The following MCTP2 variants were observed in gnomAD, a reference collection of about 807,000 sequenced individuals.
The protein encoded by MCTP2 is multiple C2 and transmembrane domain-containing protein 2.
In MCTP2, 132 loss-of-function variants were observed where a neutral mutation model predicts 111.6. The observed-to-expected ratio is 1.18, with a 90% CI of 1.03 to 1.37. The LOEUF is 1.37. MCTP2 is among the 40% of genes most tolerant of loss of function. MCTP2 has a pLI of 0.00. For synonymous variants in MCTP2, 395 were observed against 387.7 expected (o/e 1.02, Z -0.22); for missense variants, 1,183 against 1,067.9 (o/e 1.11, Z -1.50).
At chr15:94,276,126 G>A (rs1021340655) in intron 1 of MCTP2, among the ~76,000 whole-genome samples, 2 of 152,118 alleles carry the variant, frequency 1.3e-5, no homozygotes, top group African/African-American at 4.8e-5. Flanking sequence ...TTACAGGTGT[G>A]AGCCACCGTG....
chr15:94,446,702 A>C (rs1037055883), intron 19 of MCTP2, among the ~76,000 whole-genome samples: 11 of 152,216 alleles, frequency 7.2e-5, no homozygotes, highest in Admixed American at 3.9e-4. Context: ...GCATGTAATA[A>C]AAGAAAAAAA....
intron 17 of MCTP2, among the ~76,000 whole-genome samples, chr15:94,433,870 A>G (rs972864453): frequency 1.3e-5 from 2 of 152,072 alleles, no homozygotes; most frequent in African/African-American, 2.4e-5. Context: ...ATATCTTCCT[A>G]TGTGTTTGTA....
intron 1 of MCTP2, among the ~76,000 whole-genome samples, chr15:94,243,376 C>CGT (rs2071249893): frequency 1.5e-5 from 2 of 134,036 alleles, no homozygotes; most frequent in African/African-American, 5.9e-5. Flanking sequence ...TGCGTATGTA[C>CGT]ATACATACGT....
chr15:94,473,368 GA>G (rs1180039516), intron 21 of MCTP2, among the ~76,000 whole-genome samples: 2 of 152,182 alleles, frequency 1.3e-5, no homozygotes, highest in Non-Finnish European at 1.5e-5. Flanking sequence ...CTATATAGAT[GA>G]CATTTTGTTA....
intron 14 of MCTP2, among the ~76,000 whole-genome samples, chr15:94,387,804 T>G: frequency 6.6e-6 from 1 of 152,230 alleles, no homozygotes; most frequent in East Asian, 1.9e-4. Context: ...AGGGCACTTT[T>G]TTCCAGCTGC....
At chr15:94,243,771 TTA>T (rs1165453824) in intron 1 of MCTP2, among the ~76,000 whole-genome samples, 4 of 146,446 alleles carry the variant, frequency 2.7e-5, no homozygotes, top group Non-Finnish European at 6.0e-5. Context: ...GTGTATATAT[TTA>T]TGAACATATA....
chr15:94,389,389 T>G (rs1172546423), intron 14 of MCTP2, among the ~76,000 whole-genome samples: 1 of 152,020 alleles, frequency 6.6e-6, no homozygotes, highest in Non-Finnish European at 1.5e-5. Context: ...GGTTACTGTT[T>G]TAGCAGGGAG....
At chr15:94,462,011 T>G (rs1199645176) in intron 20 of MCTP2, among the ~76,000 whole-genome samples, 2 of 152,162 alleles carry the variant, frequency 1.3e-5, no homozygotes, top group African/African-American at 2.4e-5. Context: ...GGAAAGCCTT[T>G]AGTAGAAGAC....
At chr15:94,341,905 G>C (rs1432640315) in intron 7 of MCTP2, 1 of 152,100 alleles carries the variant, frequency 6.6e-6, no homozygotes, top group Non-Finnish European at 1.5e-5. Context: ...GAAAATAAAA[G>C]TATTTTTTCT....
intron 10 of MCTP2, among the ~76,000 whole-genome samples, chr15:94,364,869 T>G (rs1249547035): frequency 1.3e-5 from 2 of 152,204 alleles, no homozygotes; most frequent in African/African-American, 4.8e-5. Flanking sequence ...CAGTGTGAGC[T>G]GGAGTTGAAA....
intron 1 of MCTP2, among the ~76,000 whole-genome samples, chr15:94,266,832 C>T (rs1023368415): frequency 5.3e-5 from 8 of 152,288 alleles, no homozygotes; most frequent in South Asian, 4.1e-4. Flanking sequence ...AAATGTAAAA[C>T]TTGGTTCAGA....
intron 1 of MCTP2, among the ~76,000 whole-genome samples, chr15:94,242,883 T>C (rs2071083331): frequency 6.7e-6 from 1 of 149,754 alleles, no homozygotes; most frequent in Admixed American, 6.6e-5. Context: ...TGACAGTGTT[T>C]CCTAAATATA....
At chr15:94,367,175 TTATC>T (rs2079227769) in intron 10 of MCTP2, among the ~76,000 whole-genome samples, 1 of 141,042 alleles carries the variant, frequency 7.1e-6, no homozygotes, top group African/African-American at 2.7e-5. Flanking sequence ...TGCCTTTCTC[TTATC>T]TTTTTTTTTC....
intron 14 of MCTP2, among the ~76,000 whole-genome samples, chr15:94,390,068 A>ATG (rs1567602118): frequency 8.1e-4 from 21 of 25,838 alleles, no homozygotes; most frequent in Admixed American, 3.6e-3. Context: ...ATATATATAT[A>ATG]TATATATATA....
At chr15:94,369,439 T>C (rs1010820218) in intron 11 of MCTP2, among the ~76,000 whole-genome samples, 2 of 152,196 alleles carry the variant, frequency 1.3e-5, no homozygotes, top group African/African-American at 4.8e-5. Flanking sequence ...AAGGATGCCA[T>C]GTATATAAAC....
chr15:94,413,657 CTTAG>C (rs1450544409), intron 17 of MCTP2, among the ~76,000 whole-genome samples: 1 of 151,736 alleles, frequency 6.6e-6, no homozygotes, highest in Admixed American at 6.6e-5. Flanking sequence ...CATTTCCTCC[CTTAG>C]TTAGGTGTTT....
intron 12 of MCTP2, among the ~76,000 whole-genome samples, chr15:94,379,838 T>C (rs1407685041): frequency 1.4e-5 from 2 of 141,066 alleles, no homozygotes; most frequent in Non-Finnish European, 3.0e-5. Flanking sequence ...TGACATATAA[T>C]TATATATGAT....
intron 8 of MCTP2, among the ~76,000 whole-genome samples, chr15:94,353,361 T>C (rs1056670344): frequency 6.6e-6 from 1 of 152,198 alleles, no homozygotes; most frequent in Non-Finnish European, 1.5e-5. Flanking sequence ...TTCCGCCATA[T>C]GGAACCGATC....
intron 1 of MCTP2, among the ~76,000 whole-genome samples, chr15:94,294,066 T>G (rs571492484): frequency 1.3e-5 from 2 of 152,356 alleles, no homozygotes; most frequent in African/African-American, 4.8e-5. Flanking sequence ...GTGCAGCAAC[T>G]GGATGAATCT....
Sources: gnomAD v4.1 joint callset for allele counts (sites outside exome capture counted in the v4.1 genomes callset) on GRCh38, gnomAD v4.1.1 for gene constraint, MANE v1.5 for transcripts, NCBI Gene and HGNC (gene_info 2026-07-23, HGNC 2026-07-21) for gene names.